CFAP58: variants seen among roughly 807,000 people sequenced by gnomAD.
CFAP58 encodes cilia and flagella associated protein 58, also known as cilia- and flagella-associated protein 58.
In CFAP58, 88 loss-of-function variants were observed where a neutral mutation model predicts 119.5. The ratio of observed to expected loss-of-function variants is 0.74; its 90% CI spans 0.62 to 0.88. CFAP58 has a LOEUF of 0.88. Ranked by LOEUF, CFAP58 falls within the 40% of genes least tolerant of loss-of-function variation. The pLI is 0.00. For missense variants in CFAP58, 990 were observed against 1,021.2 expected, an observed-to-expected ratio of 0.97 and a Z score of 0.42; for synonymous variants, 365 against 366.3, an observed-to-expected ratio of 1.00 and a Z score of 0.04.
chr10:104,347,186 A>G, the CFAP58 span, among the ~76,000 whole-genome samples: 1 of 152,064 alleles, frequency 6.6e-6, no homozygotes, highest in African/African-American at 2.4e-5. Context: ...CCTGGTAAAA[A>G]TGCTTACCCG....
chr10:104,350,127 G>A (rs935976445), upstream of CFAP58, among the ~76,000 whole-genome samples: 2 of 152,216 alleles, frequency 1.3e-5, no homozygotes, highest in Admixed American at 6.5e-5. Flanking sequence ...TGCTTCTCCT[G>A]ATGCTCCTCA....
At chr10:104,347,683 AT>A in the CFAP58 span, among the ~76,000 whole-genome samples, 377 of 151,096 alleles carry the variant, frequency 2.5e-3, 3 homozygotes, top group African/African-American at 7.8e-3. Flanking sequence ...AGGCTTTAAA[AT>A]TTTTTTTTTA....
chr10:104,402,061 T>C (rs2012275728), intron 13 of CFAP58, among the ~76,000 whole-genome samples: 1 of 150,674 alleles, frequency 6.6e-6, no homozygotes, highest in African/African-American at 2.4e-5. Flanking sequence ...TAATATATTT[T>C]ATTTTTCTTT....
chr10:104,399,547 G>C, intron 12 of CFAP58, 47 bp downstream of exon 12: 2 of 1,590,768 alleles, frequency 1.3e-6, no homozygotes, highest in Non-Finnish European at 1.7e-6. Flanking sequence ...AACAGACACG[G>C]GTATTTAATT....
intron 1 of CFAP58, 119 bp from the exon 2 acceptor site, chr10:104,358,222 C>A: frequency 1.0e-6 from 1 of 955,494 alleles, no homozygotes; most frequent in Admixed American, 2.9e-5. Flanking sequence ...TTCTGCTTAT[C>A]AGTGGTTTTA....
chr10:104,350,622 T>A (rs1000617770), upstream of CFAP58, among the ~76,000 whole-genome samples: 2 of 152,224 alleles, frequency 1.3e-5, no homozygotes, highest in Non-Finnish European at 2.9e-5. Flanking sequence ...CTCCTATAAG[T>A]AAGGTCTCAG....
At chr10:104,371,636 T>C (rs2014824802) in intron 7 of CFAP58, among the ~76,000 whole-genome samples, 1 of 152,186 alleles carries the variant, frequency 6.6e-6, no homozygotes, top group Non-Finnish European at 1.5e-5. Context: ...TGGGTTTAGA[T>C]CCCGTCTCAC....
chr10:104,378,812 T>C (rs937934281), intron 8 of CFAP58, among the ~76,000 whole-genome samples: 1 of 152,064 alleles, frequency 6.6e-6, no homozygotes. Context: ...TGCATGAGCA[T>C]GGCTGCCAGA....
chr10:104,350,666 T>C (rs1032135639), upstream of CFAP58, among the ~76,000 whole-genome samples: 2 of 152,236 alleles, frequency 1.3e-5, no homozygotes, highest in African/African-American at 4.8e-5. Context: ...GCTCCCATTG[T>C]GCTTTCTGTT....
At chr10:104,402,162 A>G (rs2133044796) in intron 13 of CFAP58, among the ~76,000 whole-genome samples, 1 of 152,324 alleles carries the variant, frequency 6.6e-6, no homozygotes, top group Admixed American at 6.5e-5. Flanking sequence ...ACCTTGGGCA[A>G]GTCACTGACC....
At chr10:104,424,625 G>A (rs1303205850) in intron 15 of CFAP58, among the ~76,000 whole-genome samples, 1 of 152,168 alleles carries the variant, frequency 6.6e-6, no homozygotes, top group Admixed American at 6.6e-5. Flanking sequence ...ATCTCCGTGA[G>A]CAGTGTGTGA....
intron 13 of CFAP58, among the ~76,000 whole-genome samples, chr10:104,402,863 T>G (rs56329715): frequency 0.031 from 4,694 of 152,222 alleles, 247 homozygotes; most frequent in African/African-American, 0.11. Context: ...GAAGAGGTAT[T>G]TTTCAAAGCT....
At position 104,359,656 on chromosome 10, in the gene CFAP58, G is replaced by A. The variant is rs2014640453; in HGVS notation, c.291+1034G>A. ...TACCAAAAATATAAAAATTAGCTGG[G>A]CGTGGTGGCATATGCCTGTAATCCC... is the stretch of plus-strand genomic sequence containing the variant. On this transcript the variant is annotated intron_variant, in intron 2 of 17. Transcript: ENST00000369704. 1.3e-5 allele frequency among the ~76,000 whole-genome samples: 2 copies of A among 152,188 alleles called. 1 individual carries two copies. The highest frequency in any genetic ancestry group is 4.2e-4 in the South Asian group (2 of 4,816).
intron 11 of CFAP58, among the ~76,000 whole-genome samples, chr10:104,393,889 C>A (rs1395478239): frequency 1.3e-5 from 2 of 152,182 alleles, no homozygotes; most frequent in Non-Finnish European, 2.9e-5. Context: ...CCCTGGGATG[C>A]TTTGTACCTC....
At chr10:104,355,722 A>G (rs1475613045) in intron 1 of CFAP58, among the ~76,000 whole-genome samples, 1 of 152,280 alleles carries the variant, frequency 6.6e-6, no homozygotes, top group Non-Finnish European at 1.5e-5. Flanking sequence ...CTTCTGAAAC[A>G]GATACCATTA....
the CFAP58 span, among the ~76,000 whole-genome samples, chr10:104,341,641 G>C: frequency 6.6e-6 from 1 of 151,358 alleles, no homozygotes; most frequent in Non-Finnish European, 1.5e-5. Flanking sequence ...GGAAAGAAAA[G>C]TAATATATTA....
intron 16 of CFAP58, among the ~76,000 whole-genome samples, chr10:104,449,055 C>A (rs1385002898): frequency 6.6e-6 from 1 of 152,106 alleles, no homozygotes; most frequent in African/African-American, 2.4e-5. Flanking sequence ...TGGTACTGAG[C>A]ATGTCTGCCA....
At chr10:104,403,675 A>G in intron 13 of CFAP58, 54 bp from the exon 14 acceptor site, 1 of 1,183,304 alleles carries the variant, frequency 8.5e-7, no homozygotes, top group Admixed American at 1.9e-5. Flanking sequence ...AAAGATAGAT[A>G]GGATATTCAA....
chr10:104,356,732 A>G (rs531029913), intron 1 of CFAP58, among the ~76,000 whole-genome samples: 2 of 152,220 alleles, frequency 1.3e-5, no homozygotes, highest in South Asian at 4.1e-4. Context: ...TTCATAGAGA[A>G]CTTTGAATAC....
Sources: gnomAD v4.1 joint callset for allele counts (sites outside exome capture counted in the v4.1 genomes callset) on GRCh38, gnomAD v4.1.1 for gene constraint, MANE v1.5 for transcripts, NCBI Gene and HGNC (gene_info 2026-07-23, HGNC 2026-07-21) for gene names.